The following MAP2K5 variants were observed in gnomAD, a reference collection of about 807,000 sequenced individuals.
The protein encoded by MAP2K5 is dual specificity mitogen-activated protein kinase kinase 5.
A neutral mutation model predicts 83.1 loss-of-function variants in MAP2K5; 49 were observed. The observed-to-expected ratio is 0.59, with a 90% confidence interval of 0.47 to 0.75. MAP2K5 has a LOEUF of 0.75. MAP2K5 is among the 30% of genes least tolerant of loss of function. The pLI, the probability that MAP2K5 is intolerant of heterozygous loss-of-function variation, is 0.00. For missense variants in MAP2K5, 457 were observed against 557.5 expected (o/e 0.82, Z 1.82); for synonymous variants, 202 against 191.8 (o/e 1.05, Z -0.44).
At chr15:67,586,395 A>G (rs1468693391) in intron 5 of MAP2K5, among the ~76,000 whole-genome samples, 1 of 152,212 alleles carries the variant, frequency 6.6e-6, no homozygotes, top group East Asian at 1.9e-4. Flanking sequence ...TGGCTTTTGT[A>G]TTAGGCTCAA....
chr15:67,597,548 A>G (rs1195673335), intron 7 of MAP2K5, among the ~76,000 whole-genome samples: 2 of 152,236 alleles, frequency 1.3e-5, no homozygotes, highest in African/African-American at 4.8e-5. Context: ...GATCCCAACT[A>G]TAATATTTAA....
chr15:67,661,201 G>T (rs777996580), intron 12 of MAP2K5, among the ~76,000 whole-genome samples: 2 of 151,840 alleles, frequency 1.3e-5, no homozygotes, highest in Non-Finnish European at 2.9e-5. Context: ...CAGCCTTCCA[G>T]CTTACTCAGT....
chr15:67,696,355 A>G (rs372569900), intron 15 of MAP2K5, among the ~76,000 whole-genome samples: 48 of 152,324 alleles, frequency 3.2e-4, no homozygotes, highest in African/African-American at 1.1e-3. Flanking sequence ...TATATTATGC[A>G]TGGCCCCTTT....
chr15:67,685,609 A>G (rs2087934168), intron 13 of MAP2K5, among the ~76,000 whole-genome samples: 2 of 152,348 alleles, frequency 1.3e-5, no homozygotes, highest in African/African-American at 4.8e-5. Flanking sequence ...TATGGAGCTT[A>G]TAGTGTACAT....
rs372353339 is a variant in MAP2K5, at chr15:67,586,796, A to G, written c.364-50A>G. ...TGTGGCAAATTATAGGTTAATTAGA[A>G]CTGTGTCCTCAGAACACAAGACTGA... is the stretch of plus-strand genomic sequence containing the variant. On this transcript the variant is annotated intron_variant, in intron 5 of 21. Coordinates refer to ENST00000178640, the MANE Select transcript of MAP2K5 (RefSeq NM_145160.3). 22 of 1,519,914 alleles carry G rather than the reference A, an allele frequency of 1.4e-5. No homozygotes were observed. The East Asian group carries it at 3.4e-4, about 23-fold the overall frequency. The allele number at this position is 1,519,914 out of a possible 1,614,324, so 94.2% of individuals were successfully genotyped here. A position where few individuals can be genotyped will look rare whatever the true frequency, so the allele number is the denominator to read the frequency against.
intron 3 of MAP2K5, among the ~76,000 whole-genome samples, chr15:67,564,389 T>G (rs182729387): frequency 6.6e-6 from 1 of 152,346 alleles, no homozygotes; most frequent in East Asian, 1.9e-4. Context: ...TGCTTTTCAC[T>G]GAGACCCTAA....
intron 8 of MAP2K5, among the ~76,000 whole-genome samples, chr15:67,624,314 G>A: frequency 6.9e-6 from 1 of 144,778 alleles, no homozygotes. Flanking sequence ...ACTCCAGCCT[G>A]GGCGACAGAG....
chr15:67,650,554 G>C (rs1045218781), intron 11 of MAP2K5, among the ~76,000 whole-genome samples: 30 of 142,794 alleles, frequency 2.1e-4, no homozygotes, highest in African/African-American at 7.5e-4. Flanking sequence ...ATTAAATTTT[G>C]TCAAATGCCT....
rs370699369 is a variant in MAP2K5, at chr15:67,559,157, C to A, written c.185-4126C>A. Among the ~76,000 whole-genome samples the A allele has an allele frequency of 1.3e-5, 2 of 152,348 alleles. No individual in the cohort carries two copies. Among genetic ancestry groups the A allele is most frequent in the South Asian group, 2.1e-4 (1 of 4,826 alleles). ...AACTTCTATAATTATGTTTTCATTT[C>A]TTTTCTCTTACCTGGGAAAAGTGCC... On this transcript the variant is annotated intron_variant, in intron 2 of 21. Coordinates refer to ENST00000178640, the MANE Select transcript of MAP2K5 (RefSeq NM_145160.3). This position sits in a 1 kb window ranked among gnomAD's most constrained non-coding sequence, Gnocchi z 4.7.
rs868641478 is a variant in MAP2K5, at chr15:67,677,655, G to A, written c.847+13010G>A. On this transcript the variant is annotated intron_variant, in intron 13 of 21. Transcript: ENST00000178640. This position sits in a 1 kb window ranked among gnomAD's most constrained non-coding sequence, Gnocchi z 4.2. ...TATCTTAGACTTGGGGAAGTAGGTT[G>A]TGCAGGAACACATTCCTCCAGACCT... Among the ~76,000 whole-genome samples the A allele has an allele frequency of 2.0e-5, 3 of 152,330 alleles. No homozygotes were observed. The highest frequency in any genetic ancestry group is 3.4e-3 in the Middle Eastern group (1 of 294).
At chr15:67,598,153 C>G (rs2085569996) in intron 7 of MAP2K5, among the ~76,000 whole-genome samples, 1 of 151,346 alleles carries the variant, frequency 6.6e-6, no homozygotes, top group Non-Finnish European at 1.5e-5. Context: ...TGCAGTGAGC[C>G]AAGTTCACAC....
In MAP2K5 at chr15:67,609,527, AGATTCTGTAGACCTATTCTATAGGTCTG is replaced by A. The variant is rs1567307156; in HGVS notation, c.545+8779_545+8806del. 4.7e-4 allele frequency among the ~76,000 whole-genome samples: 56 copies of A among 119,590 alleles called. 15 individuals are homozygous for A. The highest frequency in any genetic ancestry group is 9.3e-3 in the Middle Eastern group (2 of 216). The allele number at this position is 119,590 out of a possible 152,430, so 78.5% of individuals were successfully genotyped here. ...CTGTAGACCTATTCTATAGGTCTGT[AGATTCTGTAGACCTATTCTATAGGTCTG>A]TAGATTCTGTAGACCTATTCTATAG... On this transcript the variant is annotated intron_variant, in intron 8 of 21. Transcript: ENST00000178640.
Position 67,758,608 on chromosome 15 carries a change from A to G in MAP2K5, c.1134+10007A>G, listed in dbSNP as rs918630768. Among the ~76,000 whole-genome samples the G allele has an allele frequency of 1.2e-4, 19 of 152,088 alleles. No homozygotes were observed. The East Asian group carries it at 3.7e-3, about 29-fold the overall frequency. On this transcript the variant is annotated intron_variant, in intron 19 of 21. Transcript: ENST00000178640. This position sits in a 1 kb window ranked among gnomAD's most constrained non-coding sequence, Gnocchi z 4.7. The stretch of plus-strand genomic sequence containing the variant: ...ATGACATTTATGCATAAATCTCAAC[A>G]CTTTTTTTTTCAAGACCTCAGAAAT...
rs529641964 is a variant in MAP2K5, at chr15:67,545,139, A to G, written c.135+1669A>G. Among the ~76,000 whole-genome samples the G allele has an allele frequency of 1.4e-4, 21 of 152,038 alleles. 1 individual carries two copies. The South Asian group carries it at 4.0e-3, about 29-fold the overall frequency. ...CTCTGCTCTTCACCGGTCAATTCCC[A>G]CCTGTCCTTCCAAGCCAAGTTGTGC... On this transcript the variant is annotated intron_variant, in intron 1 of 21. Coordinates refer to ENST00000178640, the MANE Select transcript of MAP2K5 (RefSeq NM_145160.3).
chr15:67,720,383 A>G lies in MAP2K5; in HGVS notation c.1045-7533A>G, dbSNP rs2088930926. 6.6e-6 allele frequency among the ~76,000 whole-genome samples: 1 copy of G among 152,174 alleles called. No homozygotes were observed. The highest frequency in any genetic ancestry group is 1.5e-5 in the Non-Finnish European group (1 of 68,030). The stretch of plus-strand genomic sequence containing the variant: ...ACACACTTACACACACACAAGGAAA[A>G]AAAGAAAATGATGTAAGTGAAATAG... On this transcript the variant is annotated intron_variant, in intron 16 of 21. Coordinates refer to ENST00000178640, the MANE Select transcript of MAP2K5 (RefSeq NM_145160.3). The surrounding 1 kb of genome is among the most constrained non-coding windows in gnomAD (Gnocchi z 5.7).
chr15:67,629,196 C>T (rs1338214510), intron 8 of MAP2K5: 4 of 657,378 alleles, frequency 6.1e-6, no homozygotes, highest in African/African-American at 3.6e-5. Context: ...GGGGAAGCTA[C>T]AGGTTACAAC....
At chr15:67,744,952 G>A (rs1273978713) in intron 17 of MAP2K5, among the ~76,000 whole-genome samples, 1 of 152,040 alleles carries the variant, frequency 6.6e-6, no homozygotes, top group Non-Finnish European at 1.5e-5. Context: ...ACACATAAGA[G>A]TCTGCCTTAC....
chr15:67,644,891 G>A lies in MAP2K5; in HGVS notation c.586-1340G>A, dbSNP rs1367861545. On this transcript the variant is annotated intron_variant, in intron 9 of 21. Transcript: ENST00000178640. The surrounding 1 kb of genome is among the most constrained non-coding windows in gnomAD (Gnocchi z 4.6). ...TGGCTGGGCATGGTGGCTTACGCTT[G>A]TAATCCCAGAACTTTGGGAGGCTGA... is the stretch of plus-strand genomic sequence containing the variant. 6.6e-6 allele frequency among the ~76,000 whole-genome samples: 1 copy of A among 152,142 alleles called. No homozygotes were observed. The highest frequency in any genetic ancestry group is 6.5e-5 in the Admixed American group (1 of 15,288).
intron 17 of MAP2K5, among the ~76,000 whole-genome samples, chr15:67,731,245 G>A (rs2141251334): frequency 6.6e-6 from 1 of 152,280 alleles, no homozygotes; most frequent in African/African-American, 2.4e-5. Context: ...GCTGCTGACA[G>A]CATCATTAGC....
Sources: allele counts gnomAD v4.1 joint callset (sites outside exome capture counted in the v4.1 genomes callset), GRCh38; gene constraint gnomAD v4.1.1; non-coding constraint Gnocchi (gnomAD v3.1); transcripts MANE v1.5; gene names NCBI Gene and HGNC (gene_info 2026-07-23, HGNC 2026-07-21).